Variants in RBM17 observed in about 807,000 individuals in gnomAD.
RBM17 encodes splicing factor 45.
In RBM17, 7 loss-of-function variants were observed where a neutral mutation model predicts 53.2. That is an observed-to-expected ratio of 0.13 (90% confidence interval 0.07 to 0.25). RBM17 has a LOEUF of 0.25. RBM17 is among the 10% of genes least tolerant of loss of function. The probability of loss-of-function intolerance (pLI) is 1.00; values close to 1 mark genes in which losing one functional copy is unlikely to be tolerated. For missense variants in RBM17, 257 were observed against 496.7 expected (o/e 0.52, Z 4.59); for synonymous variants, 167 against 178.1 (o/e 0.94, Z 0.50).
chr10:6,106,406 T>C (rs1840748938), intron 5 of RBM17, 168 bp downstream of exon 5: 1 of 552,976 alleles, frequency 1.8e-6, no homozygotes, highest in African/African-American at 1.9e-5. Context: ...TAATTTATAT[T>C]GGGTTTTCAT....
Position 6,110,116 on chromosome 10 carries a change from C to G in RBM17, c.693C>G (p.Leu231=), listed in dbSNP as rs1289787472. ...RSPTGPSNSF[L]ANMGGTVAHK... ...CAACCGGACCTAGCAACTCCTTCCT[C>G]GCTAACATGGGGTAATGATTTAATG... Residue 231 remains leucine, a synonymous_variant, in exon 7 of 12, where the codon CTC becomes CTG. Transcript: ENST00000379888. 2 of 1,608,894 alleles carry G rather than the reference C, an allele frequency of 1.2e-6. No homozygotes were observed. Among genetic ancestry groups the G allele is most frequent in the Non-Finnish European group, 1.7e-6 (2 of 1,177,712 alleles).
chr10:6,111,473 G>A (rs970343770), intron 7 of RBM17, among the ~76,000 whole-genome samples: 4 of 152,200 alleles, frequency 2.6e-5, no homozygotes, highest in Admixed American at 6.5e-5. Context: ...CCAAGTAGCT[G>A]GGACTACAGG....
chr10:6,089,634 CAG>C lies in RBM17; in HGVS notation c.-19+443_-19+444del, dbSNP rs1209234451. The C allele has an allele frequency of 6.6e-6, 1 of 152,590 alleles. No homozygotes were observed. Among genetic ancestry groups the C allele is most frequent in the Non-Finnish European group, 1.5e-5 (1 of 68,264 alleles). The allele number at this position is 152,590 out of a possible 1,614,324, so 9.5% of individuals were successfully genotyped here. On this transcript the variant is annotated intron_variant, in intron 1 of 11. Coordinates refer to ENST00000379888, the MANE Select transcript of RBM17 (RefSeq NM_032905.5). The surrounding 1 kb of genome is among the most constrained non-coding windows in gnomAD (Gnocchi z 5.6). ...TCGGAGCCGGTTCCTCCCGGGGTCT[CAG>C]AACTGGGAGTGCAGACGTTGGCGTT...
chr10:6,112,510 A>C lies in RBM17; in HGVS notation c.856+149A>C, dbSNP rs1478072307. Reference sequence around the variant, plus strand: ...GCTGGCCCTGCCATCACTAGAACACAGGCCGTCCTGTTCATATGATGCACT... The same window carrying C: ...GCTGGCCCTGCCATCACTAGAACACCGGCCGTCCTGTTCATATGATGCACT... On this transcript the variant is annotated intron_variant, in intron 8 of 11. Transcript: ENST00000379888. The surrounding 1 kb of genome is among the most constrained non-coding windows in gnomAD (Gnocchi z 4.4). 1.0e-5 allele frequency: 9 copies of C among 899,392 alleles called. No individual in the cohort carries two copies. Among genetic ancestry groups the C allele is most frequent in the Non-Finnish European group, 5.3e-6 (3 of 565,692 alleles). The allele number at this position is 899,392 out of a possible 1,614,324, so 55.7% of individuals were successfully genotyped here.
chr10:6,112,448 G>T lies in RBM17; in HGVS notation c.856+87G>T, dbSNP rs1473257869. The T allele has an allele frequency of 6.7e-7, 1 of 1,500,382 alleles. No homozygotes were observed. Among genetic ancestry groups the T allele is most frequent in the Non-Finnish European group, 9.2e-7 (1 of 1,089,294 alleles). The allele number at this position is 1,500,382 out of a possible 1,614,324, so 92.9% of individuals were successfully genotyped here. A position where few individuals can be genotyped will look rare whatever the true frequency, so the allele number is the denominator to read the frequency against. ...GGCCAGTCTTGATCCTCATGTGTCA[G>T]CAGGGGGACAATGAGGCGTGTGGCC... is the stretch of plus-strand genomic sequence containing the variant. On this transcript the variant is annotated intron_variant, in intron 8 of 11. Transcript: ENST00000379888. The surrounding 1 kb of genome is among the most constrained non-coding windows in gnomAD (Gnocchi z 4.4).
intron 1 of RBM17, among the ~76,000 whole-genome samples, chr10:6,091,412 T>C (rs1366495442): frequency 6.6e-6 from 1 of 152,100 alleles, no homozygotes; most frequent in African/African-American, 2.4e-5. Context: ...GATGCATGAA[T>C]ATCTGTTTAG....
At chr10:6,105,195 T>C in intron 4 of RBM17, 98 bp downstream of exon 4, 2 of 1,091,270 alleles carry the variant, frequency 1.8e-6, no homozygotes, top group Non-Finnish European at 1.3e-6. Context: ...CTGAAGTTAA[T>C]TGTCATGGGT....
In RBM17 at chr10:6,113,535, C is replaced by T. The variant is rs1219714754; in HGVS notation, c.884C>T (p.Pro295Leu). 3.7e-6 allele frequency: 6 copies of T among 1,613,186 alleles called. No homozygotes were observed. The highest frequency in any genetic ancestry group is 1.7e-5 in the Admixed American group (1 of 59,984). The change falls in exon 9 of 12, where the codon CCG becomes CTG. Residue 295 changes from proline (P) to leucine (L), a missense_variant. Coordinates refer to ENST00000379888, the MANE Select transcript of RBM17 (RefSeq NM_032905.5). ...GCATCCAAGAAGTCAGATTCAAATC[C>T]GCTGACTGAAATACTTAAGTGTCCT... The part of the protein sequence containing the change: ...KDASKKSDSN[P>L]LTEILKCPTK...
intron 3 of RBM17, among the ~76,000 whole-genome samples, chr10:6,103,715 G>T (rs1308253961): frequency 6.6e-6 from 1 of 152,080 alleles, no homozygotes; most frequent in African/African-American, 2.4e-5. Flanking sequence ...ATATTTCGTC[G>T]TAAGGAAATG....
At position 6,099,078 on chromosome 10, in the gene RBM17, G is replaced by A. The variant is rs922722675; in HGVS notation, c.123+1890G>A. Among the ~76,000 whole-genome samples the A allele has an allele frequency of 5.1e-4, 77 of 151,124 alleles. 1 individual carries two copies. The highest frequency in any genetic ancestry group is 3.4e-3 in the Admixed American group (52 of 15,220). ...ATGTAAGGAGGGTTAGCAAAACCTC[G>A]TTTTTCTCTTTAATTTTTTTTAAAA... On this transcript the variant is annotated intron_variant, in intron 2 of 11. Coordinates refer to ENST00000379888, the MANE Select transcript of RBM17 (RefSeq NM_032905.5).
chr10:6,108,789 AC>A, intron 6 of RBM17, 47 bp downstream of exon 6: 1 of 1,468,814 alleles, frequency 6.8e-7, no homozygotes, highest in Non-Finnish European at 9.5e-7. Context: ...CAGGTCTTTA[AC>A]CCAACCATGG....
chr10:6,109,881 C>A, intron 6 of RBM17, 105 bp from the exon 7 acceptor site: 1 of 1,024,912 alleles, frequency 9.8e-7, no homozygotes, highest in Non-Finnish European at 1.4e-6. Context: ...TTGTGGTAAA[C>A]CAAAAAGTAG....
At chr10:6,107,572 C>G (rs1262608218) in intron 5 of RBM17, among the ~76,000 whole-genome samples, 3 of 143,126 alleles carry the variant, frequency 2.1e-5, no homozygotes, top group African/African-American at 7.9e-5. Flanking sequence ...ACCTCCATCT[C>G]CTAGTTTCAA....
At chr10:6,098,563 GTTTTTTTT>G (rs398012715) in intron 2 of RBM17, among the ~76,000 whole-genome samples, 29 of 46,664 alleles carry the variant, frequency 6.2e-4, no homozygotes, top group Admixed American at 2.1e-3. Context: ...CAGGTTTTTT[GTTTTTTTT>G]TTTTTTTTTT....
intron 7 of RBM17, among the ~76,000 whole-genome samples, chr10:6,111,084 G>A (rs142502961): frequency 6.6e-6 from 1 of 152,314 alleles, no homozygotes; most frequent in East Asian, 1.9e-4. Flanking sequence ...GCAGTTTCTG[G>A]TCTTTTTAGC....
chr10:6,103,808 C>A (rs1055980642), intron 3 of RBM17, among the ~76,000 whole-genome samples: 1 of 152,152 alleles, frequency 6.6e-6, no homozygotes, highest in Non-Finnish European at 1.5e-5. Context: ...GTTAATATGG[C>A]GTGTAAGCTG....
intron 3 of RBM17, among the ~76,000 whole-genome samples, chr10:6,104,309 T>C (rs999143998): frequency 7.9e-5 from 12 of 152,226 alleles, no homozygotes; most frequent in Admixed American, 1.3e-4. Flanking sequence ...CGAAGTGTTA[T>C]CTAAACCTGA....
rs1840910604 is a variant in RBM17 at position 6,115,976 on chromosome 10, A to G, written c.*420A>G. 1 of 153,076 alleles carries G rather than the reference A, an allele frequency of 6.5e-6. No homozygotes were observed. The highest frequency in any genetic ancestry group is 2.4e-5 in the African/African-American group (1 of 41,432). The allele number at this position is 153,076 out of a possible 1,614,324, so 9.5% of individuals were successfully genotyped here. A position where few individuals can be genotyped will look rare whatever the true frequency, so the allele number is the denominator to read the frequency against. ...TTTAATAAAGCCTGCAAGTTACTAA[A>G]TTGTAGTTTCATAAATTCTGTAGTA... On this transcript the variant is annotated 3_prime_UTR_variant, in exon 12 of 12. Transcript: ENST00000379888.
At chr10:6,097,635 C>T (rs893055896) in intron 2 of RBM17, among the ~76,000 whole-genome samples, 1 of 152,226 alleles carries the variant, frequency 6.6e-6, no homozygotes, top group African/African-American at 2.4e-5. Context: ...CGCGCCACTG[C>T]GCTCCAGCCT....
Sources: allele counts gnomAD v4.1 joint callset (sites outside exome capture counted in the v4.1 genomes callset), GRCh38; gene constraint gnomAD v4.1.1; non-coding constraint Gnocchi (gnomAD v3.1); transcripts MANE v1.5; gene names NCBI Gene and HGNC (gene_info 2026-07-23, HGNC 2026-07-21).